The following PCDHGB2 variants were observed in gnomAD, a reference collection of about 807,000 sequenced individuals.
PCDHGB2 encodes protocadherin gamma-B2.
In PCDHGB2, 55 loss-of-function variants were observed where a neutral mutation model predicts 59.3. The ratio of observed to expected loss-of-function variants is 0.93; its 90% CI spans 0.75 to 1.16. The LOEUF (loss-of-function observed/expected upper bound fraction) is 1.16. Among genes scored for constraint, PCDHGB2 ranks in the 50% most tolerant of loss-of-function variants. The pLI is 0.00. For synonymous variants in PCDHGB2, 516 were observed against 512.0 expected (o/e 1.01, Z -0.11); for missense variants, 1,228 against 1,198.5 (o/e 1.02, Z -0.36).
intron 1 of PCDHGB2, chr5:141,365,341 A>T: frequency 6.2e-7 from 1 of 1,613,960 alleles, no homozygotes; most frequent in African/African-American, 1.3e-5. Context: ...TGGTCACAGT[A>T]CAGGACGTGA....
chr5:141,408,849 A>G (rs764977493), intron 1 of PCDHGB2: 1 of 1,613,610 alleles, frequency 6.2e-7, no homozygotes, highest in South Asian at 1.1e-5. Context: ...ACTGCCTTGG[A>G]CGGAGGGGAC....
At chr5:141,383,007 G>A (rs1047921009) in intron 1 of PCDHGB2, 1 of 1,613,748 alleles carries the variant, frequency 6.2e-7, no homozygotes, top group Non-Finnish European at 8.5e-7. Flanking sequence ...ACTCCGTGTC[G>A]GAGGAGACGG....
chr5:141,415,098 G>A, intron 1 of PCDHGB2: 5 of 1,613,586 alleles, frequency 3.1e-6, no homozygotes, highest in Non-Finnish European at 4.2e-6. Context: ...ACAGAGACGC[G>A]CTCAAGCAAA....
In PCDHGB2 at chr5:141,486,270, G is replaced by A. The variant is rs1052584402; in HGVS notation, c.2422-8537G>A. 2 of 1,614,062 alleles carry A rather than the reference G, an allele frequency of 1.2e-6. No homozygotes were observed. Reference sequence around the variant, plus strand: ...ACCCTCCCCGAGAGTGCAGAACCTGGCACTGTGGTGGCACTTATCAGTGTG... The same window carrying A: ...ACCCTCCCCGAGAGTGCAGAACCTGACACTGTGGTGGCACTTATCAGTGTG... On this transcript the variant is annotated intron_variant, in intron 1 of 3. Coordinates refer to ENST00000522605, the MANE Select transcript of PCDHGB2 (RefSeq NM_018923.3). This position sits in a 1 kb window ranked among gnomAD's most constrained non-coding sequence, Gnocchi z 5.0.
In PCDHGB2 at chr5:141,476,291, G is replaced by T. The variant is rs1385060012; in HGVS notation, c.2422-18516G>T. The stretch of plus-strand genomic sequence containing the variant: ...GGTCGCGAACCTTGGTTTGGATCTC[G>T]GTAGCCTCTCAGCCCGCAGGTTCCG... On this transcript the variant is annotated intron_variant, in intron 1 of 3. Coordinates refer to ENST00000522605, the MANE Select transcript of PCDHGB2 (RefSeq NM_018923.3). This position sits in a 1 kb window ranked among gnomAD's most constrained non-coding sequence, Gnocchi z 7.6. 4 of 1,614,128 alleles carry T rather than the reference G, an allele frequency of 2.5e-6. No homozygotes were observed. Among genetic ancestry groups the T allele is most frequent in the South Asian group, 1.1e-5 (1 of 91,072 alleles).
chr5:141,486,823 A>G lies in PCDHGB2; in HGVS notation c.2422-7984A>G, dbSNP rs778308736. On this transcript the variant is annotated intron_variant, in intron 1 of 3. Coordinates refer to ENST00000522605, the MANE Select transcript of PCDHGB2 (RefSeq NM_018923.3). The surrounding 1 kb of genome is among the most constrained non-coding windows in gnomAD (Gnocchi z 5.0). Reference sequence around the variant, plus strand: ...ACCCACCCCTTAGCAGCACTGTAACAGTTCGTCTATTTGTGCTGGACCTCA... The same window carrying G: ...ACCCACCCCTTAGCAGCACTGTAACGGTTCGTCTATTTGTGCTGGACCTCA... 1.2e-6 allele frequency: 2 copies of G among 1,614,104 alleles called. No individual in the cohort carries two copies. Among genetic ancestry groups the G allele is most frequent in the Admixed American group, 1.7e-5 (1 of 60,008 alleles).
Position 141,454,549 on chromosome 5 carries a change from G to A in PCDHGB2, c.2422-40258G>A, listed in dbSNP as rs188623155. ...AGCCTCCCAAGTAGCTGAGATTACA[G>A]GCATGTGCCACCACGCCCGGCTAAT... On this transcript the variant is annotated intron_variant, in intron 1 of 3. Transcript: ENST00000522605. Among the ~76,000 whole-genome samples, 406 of 152,154 alleles carry A rather than the reference G, an allele frequency of 2.7e-3. 2 individuals are homozygous for A. The highest frequency in any genetic ancestry group is 0.021 in the South Asian group (99 of 4,814).
intron 1 of PCDHGB2, chr5:141,375,974 G>T: frequency 6.2e-7 from 1 of 1,613,354 alleles, no homozygotes; most frequent in Non-Finnish European, 8.5e-7. Context: ...CACGGCGCGC[G>T]CCCTGCTGGA....
At chr5:141,366,414 T>A (rs1294202579) in intron 1 of PCDHGB2, 1 of 1,614,124 alleles carries the variant, frequency 6.2e-7, no homozygotes, top group African/African-American at 1.3e-5. Context: ...TATCTTGTGG[T>A]GGCAGTGGCT....
rs373867677 is a variant in PCDHGB2 at position 141,432,049 on chromosome 5, G to A, written c.2422-62758G>A. The A allele has an allele frequency of 2.0e-5, 32 of 1,614,150 alleles. No individual in the cohort carries two copies. In the African/African-American group the frequency reaches 4.1e-4, roughly 21 times the overall value. ...TGACCGCCACTGACCGGGGAACCCC[G>A]CCCCTATCCACGGAAACTCATATCT... On this transcript the variant is annotated intron_variant, in intron 1 of 3. Coordinates refer to ENST00000522605, the MANE Select transcript of PCDHGB2 (RefSeq NM_018923.3). The surrounding 1 kb of genome is among the most constrained non-coding windows in gnomAD (Gnocchi z 6.0).
chr5:141,370,142 C>T, intron 1 of PCDHGB2: 2 of 430,642 alleles, frequency 4.6e-6, no homozygotes, highest in Non-Finnish European at 8.1e-6. Flanking sequence ...GATTTAGTCA[C>T]CATTACTGCA....
At chr5:141,472,980 C>CAAAAAAAAAAAAAAAAAAAAAAAA (rs60579131) in intron 1 of PCDHGB2, among the ~76,000 whole-genome samples, 7 of 86,078 alleles carry the variant, frequency 8.1e-5, no homozygotes, top group African/African-American at 1.9e-4. Context: ...GAGTGAAACT[C>CAAAAAAAAAAAAAAAAAAAAAAAA]AAAAAAAAAA....
chr5:141,492,870 C>G (rs2099744684), intron 1 of PCDHGB2, among the ~76,000 whole-genome samples: 1 of 152,192 alleles, frequency 6.6e-6, no homozygotes, highest in African/African-American at 2.4e-5. Flanking sequence ...TGGCTCTCAA[C>G]CCCCAGAGAT....
In PCDHGB2 at chr5:141,489,522, C is replaced by T. The variant is rs371948070; in HGVS notation, c.2422-5285C>T. 2.5e-6 allele frequency: 4 copies of T among 1,614,088 alleles called. No individual in the cohort carries two copies. Among genetic ancestry groups the T allele is most frequent in the Non-Finnish European group, 3.4e-6 (4 of 1,180,036 alleles). On this transcript the variant is annotated intron_variant, in intron 1 of 3. Coordinates refer to ENST00000522605, the MANE Select transcript of PCDHGB2 (RefSeq NM_018923.3). The surrounding 1 kb of genome is among the most constrained non-coding windows in gnomAD (Gnocchi z 4.5). ...TGAATCAAAAGATTGACCGAGAAAG[C>T]CTATGTGGAGCCAGCACCAGCTGCC...
chr5:141,361,998 G>A lies in PCDHGB2; in HGVS notation c.1863G>A (p.Leu621=). The A allele has an allele frequency of 2.5e-6, 4 of 1,603,340 alleles. No individual in the cohort carries two copies. The highest frequency in any genetic ancestry group is 2.5e-6 in the Non-Finnish European group (3 of 1,177,478). Residue 621 remains leucine, a synonymous_variant, in exon 1 of 4, where the codon TTG becomes TTA. Coordinates refer to ENST00000522605, the MANE Select transcript of PCDHGB2 (RefSeq NM_018923.3). ...ASEPGLFSLG[L]RTGEVRTARA... is the part of the protein sequence containing the mutation. Reference sequence around the variant, plus strand: ...AGCCCGGGCTCTTCAGCCTGGGGTTGCGCACGGGTGAGGTGCGCACAGCGC... The same window carrying A: ...AGCCCGGGCTCTTCAGCCTGGGGTTACGCACGGGTGAGGTGCGCACAGCGC...
At chr5:141,413,065 T>A (rs2095601710) in intron 1 of PCDHGB2, 2 of 1,159,986 alleles carry the variant, frequency 1.7e-6, no homozygotes, top group African/African-American at 3.1e-5. Flanking sequence ...CTCCAGAATT[T>A]AAAGTGCCCA....
At chr5:141,382,689 T>C in intron 1 of PCDHGB2, 3 of 445,878 alleles carry the variant, frequency 6.7e-6, no homozygotes, top group African/African-American at 2.0e-5. Flanking sequence ...CAGGGAAAAA[T>C]GGTGCGAGAG....
Position 141,432,691 on chromosome 5 carries a change from G to A in PCDHGB2, c.2422-62116G>A, listed in dbSNP as rs1308174141. Reference sequence around the variant, plus strand: ...ACGCGCTCAAGCAGAGCCTCGTAGTGGCCGTCCAGGACCACGGCCAGCCCC... The same window carrying A: ...ACGCGCTCAAGCAGAGCCTCGTAGTAGCCGTCCAGGACCACGGCCAGCCCC... On this transcript the variant is annotated intron_variant, in intron 1 of 3. Transcript: ENST00000522605. The surrounding 1 kb of genome is among the most constrained non-coding windows in gnomAD (Gnocchi z 6.0). 1 of 1,613,942 alleles carries A rather than the reference G, an allele frequency of 6.2e-7. No individual in the cohort carries two copies. Among genetic ancestry groups the A allele is most frequent in the South Asian group, 1.1e-5 (1 of 91,068 alleles).
At chr5:141,417,784 G>T in intron 1 of PCDHGB2, 2 of 1,474,908 alleles carry the variant, frequency 1.4e-6, no homozygotes, top group Non-Finnish European at 9.0e-7. Context: ...GTCCTGGGCC[G>T]AATGCTCTTT....
Sources: allele counts gnomAD v4.1 joint callset (sites outside exome capture counted in the v4.1 genomes callset), GRCh38; gene constraint gnomAD v4.1.1; non-coding constraint Gnocchi (gnomAD v3.1); transcripts MANE v1.5; gene names NCBI Gene and HGNC (gene_info 2026-07-23, HGNC 2026-07-21).